The following B3GNT5 variants were observed in gnomAD, a reference collection of about 807,000 sequenced individuals.
B3GNT5 encodes lactosylceramide 1,3-N-acetyl-beta-D-glucosaminyltransferase.
B3GNT5 carries 11 observed loss-of-function variants against 25.9 expected under a neutral mutation model. The ratio of observed to expected loss-of-function variants is 0.42; its 90% confidence interval spans 0.27 to 0.70. The LOEUF is 0.70. Ranked by LOEUF, B3GNT5 falls within the 30% of genes least tolerant of loss-of-function variation. The probability of loss-of-function intolerance (pLI) is 0.23; values close to 1 mark genes in which losing one functional copy is unlikely to be tolerated. For missense variants in B3GNT5, 385 were observed against 458.4 expected, an observed-to-expected ratio of 0.84 and a Z score of 1.46; for synonymous variants, 166 against 158.6, an observed-to-expected ratio of 1.05 and a Z score of -0.35.
rs910615764 is a variant in B3GNT5, at chr3:183,268,789, C to T, written c.-301-709C>T. Among the ~76,000 whole-genome samples, 67 of 152,260 alleles carry T rather than the reference C, an allele frequency of 4.4e-4. 1 individual carries two copies. The highest frequency in any genetic ancestry group is 1.5e-3 in the African/African-American group (64 of 41,516). ...TACAAGAAACCGTAAGTGGCTAAGG[C>T]GGCATTGGTGTTCAAATTGCCTGAC... On this transcript the variant is annotated intron_variant, in intron 1 of 1. Coordinates refer to ENST00000326505, the MANE Select transcript of B3GNT5 (RefSeq NM_032047.5).
In B3GNT5 at chr3:183,259,550, C is replaced by T. The variant is rs140344033; in HGVS notation, c.-302+6078C>T. 1.6e-4 allele frequency among the ~76,000 whole-genome samples: 24 copies of T among 152,246 alleles called. 1 individual carries two copies. In the South Asian group the frequency reaches 3.7e-3, roughly 24 times the overall value. On this transcript the variant is annotated intron_variant, in intron 1 of 1. Transcript: ENST00000326505. ...TTTTCCCTGCCTTTACACATGAAAA[C>T]GGTTTTGATACAGCTTTTTCATTAG...
intron 1 of B3GNT5, among the ~76,000 whole-genome samples, chr3:183,255,895 T>TG (rs1162108946): frequency 1.4e-4 from 22 of 152,280 alleles, no homozygotes; most frequent in Middle Eastern, 3.4e-3. Flanking sequence ...AAATGGGTCA[T>TG]CTTTTAAAAT....
At chr3:183,264,157 T>C (rs530440617) in intron 1 of B3GNT5, among the ~76,000 whole-genome samples, 1 of 152,318 alleles carries the variant, frequency 6.6e-6, no homozygotes, top group East Asian at 1.9e-4. Flanking sequence ...CTAAGACTCC[T>C]CTACCTGATT....
intron 1 of B3GNT5, among the ~76,000 whole-genome samples, chr3:183,257,451 A>G (rs1453038463): frequency 2.0e-5 from 3 of 152,216 alleles, no homozygotes. Flanking sequence ...GTATGTGATA[A>G]GTTAATGTTT....
Position 183,262,489 on chromosome 3 carries a change from T to C in B3GNT5, c.-301-7009T>C, listed in dbSNP as rs547715483. Among the ~76,000 whole-genome samples, 172 of 152,284 alleles carry C rather than the reference T, an allele frequency of 1.1e-3. 1 individual carries two copies. The Middle Eastern group carries it at 0.02, about 18-fold the overall frequency. On this transcript the variant is annotated intron_variant, in intron 1 of 1. Coordinates refer to ENST00000326505, the MANE Select transcript of B3GNT5 (RefSeq NM_032047.5). ...TTAAAAATATTGCATCAAAATATTA[T>C]ACTGACTACGGAGTTTTTGGTACCC...
chr3:183,268,940 C>G (rs148601906), intron 1 of B3GNT5, among the ~76,000 whole-genome samples: 1 of 151,944 alleles, frequency 6.6e-6, no homozygotes, highest in Non-Finnish European at 1.5e-5. Flanking sequence ...ATCTGGGGCT[C>G]ACAAAGTAAT....
chr3:183,268,334 G>C (rs1275668880), intron 1 of B3GNT5, among the ~76,000 whole-genome samples: 1 of 152,202 alleles, frequency 6.6e-6, no homozygotes, highest in Admixed American at 6.5e-5. Context: ...AGCTCAGTTT[G>C]TCTCGTGGTT....
chr3:183,262,720 G>A (rs142474175), intron 1 of B3GNT5, among the ~76,000 whole-genome samples: 1 of 151,438 alleles, frequency 6.6e-6, no homozygotes, highest in East Asian at 1.9e-4. Flanking sequence ...CTTCAGGGTG[G>A]GGGGGACAGA....
At chr3:183,257,999 G>A (rs1276105135) in intron 1 of B3GNT5, among the ~76,000 whole-genome samples, 6 of 106,294 alleles carry the variant, frequency 5.6e-5, no homozygotes, top group Admixed American at 1.5e-4. Context: ...ACGGAGTCTC[G>A]CTCTGTTGCC....
At position 183,272,220 on chromosome 3, in the gene B3GNT5, A is replaced by G. The variant is rs1726838633; in HGVS notation, c.*1285A>G. On this transcript the variant is annotated 3_prime_UTR_variant, in exon 2 of 2. Coordinates refer to ENST00000326505, the MANE Select transcript of B3GNT5 (RefSeq NM_032047.5). ...AGAGTAAGTTACATTTATTTTACAA[A>G]GCAGGATAAAAATGTGGCTATAATA... 1 of 999,840 alleles carries G rather than the reference A, an allele frequency of 1.0e-6. No individual in the cohort carries two copies. The highest frequency in any genetic ancestry group is 1.2e-6 in the Non-Finnish European group (1 of 829,932). 61.9% of individuals were successfully genotyped at this position (999,840 alleles called of 1,614,324 possible). A position where few individuals can be genotyped will look rare whatever the true frequency, so the allele number is the denominator to read the frequency against.
At chr3:183,257,101 A>G (rs930330098) in intron 1 of B3GNT5, among the ~76,000 whole-genome samples, 3 of 152,234 alleles carry the variant, frequency 2.0e-5, no homozygotes, top group African/African-American at 4.8e-5. Flanking sequence ...CCATCCTGGT[A>G]AAGCTACACA....
rs1282357451 is a variant in B3GNT5 at position 183,266,445 on chromosome 3, T to TA, written c.-301-3053_-301-3052insA. Among the ~76,000 whole-genome samples the TA allele has an allele frequency of 4.6e-5, 7 of 152,206 alleles. No individual in the cohort carries two copies. The East Asian group carries it at 1.3e-3, about 29-fold the overall frequency. On this transcript the variant is annotated intron_variant, in intron 1 of 1. Transcript: ENST00000326505. ...AATTTTCCTAGAATTCTCAAAAATGTGTATGCTGGCTTAAAATCTGCCATC... is the reference window on the plus strand; with the variant it reads ...AATTTTCCTAGAATTCTCAAAAATGTAGTATGCTGGCTTAAAATCTGCCATC...
chr3:183,272,269 A>G lies in B3GNT5; in HGVS notation c.*1334A>G. On this transcript the variant is annotated 3_prime_UTR_variant, in exon 2 of 2. Coordinates refer to ENST00000326505, the MANE Select transcript of B3GNT5 (RefSeq NM_032047.5). ...TACACACTACCTCCCTTCACTACAG[A>G]AAGAACTAGGTGGTGTCTACTGCTA... The G allele has an allele frequency of 1.0e-6, 1 of 1,000,294 alleles. No individual in the cohort carries two copies. Among genetic ancestry groups the G allele is most frequent in the Non-Finnish European group, 1.2e-6 (1 of 829,996 alleles). 62.0% of individuals were successfully genotyped at this position (1,000,294 alleles called of 1,614,324 possible).
intron 1 of B3GNT5, among the ~76,000 whole-genome samples, chr3:183,256,910 G>A (rs1258979017): frequency 6.6e-6 from 1 of 152,202 alleles, no homozygotes; most frequent in East Asian, 1.9e-4. Context: ...CAGTCAATTA[G>A]GGATGATACT....
chr3:183,260,530 A>G (rs1385554640), intron 1 of B3GNT5, among the ~76,000 whole-genome samples: 3 of 152,144 alleles, frequency 2.0e-5, no homozygotes, highest in African/African-American at 7.2e-5. Context: ...GCATAATCAA[A>G]CTGGTTACTG....
chr3:183,270,277 A>G lies in B3GNT5; in HGVS notation c.479A>G (p.Asp160Gly), dbSNP rs1726631954. 3 of 1,614,052 alleles carry G rather than the reference A, an allele frequency of 1.9e-6. No homozygotes were observed. Among genetic ancestry groups the G allele is most frequent in the East Asian group, 2.2e-5 (1 of 44,904 alleles). ...DQRYNDIIQQ[D>G]FVDSFYNLTL... ...AGGTACAATGATATAATTCAGCAAG[A>G]CTTTGTTGATTCTTTCTACAATCTT... The change falls in exon 2 of 2, where the codon GAC (aspartate) becomes GGC (glycine). Residue 160 changes from aspartate to glycine, a missense_variant. Transcript: ENST00000326505. The surrounding 1 kb of genome is among the most constrained non-coding windows in gnomAD (Gnocchi z 4.5).
Position 183,267,106 on chromosome 3 carries a change from A to G in B3GNT5, c.-301-2392A>G, listed in dbSNP as rs1281492129. Among the ~76,000 whole-genome samples, 4 of 152,184 alleles carry G rather than the reference A, an allele frequency of 2.6e-5. No individual in the cohort carries two copies. The highest frequency in any genetic ancestry group is 9.6e-5 in the African/African-American group (4 of 41,454). ...CGGCCTTCAGCCTTTGTGATATTAA[A>G]GCACAGCAACACATTTCCCATTACA... On this transcript the variant is annotated intron_variant, in intron 1 of 1. Coordinates refer to ENST00000326505, the MANE Select transcript of B3GNT5 (RefSeq NM_032047.5). The surrounding 1 kb of genome is among the most constrained non-coding windows in gnomAD (Gnocchi z 5.5).
Position 183,271,064 on chromosome 3 carries a change from A to G in B3GNT5, c.*129A>G. 1.2e-6 allele frequency: 1 copy of G among 837,526 alleles called. No homozygotes were observed. The highest frequency in any genetic ancestry group is 1.8e-6 in the Non-Finnish European group (1 of 567,402). 51.9% of individuals were successfully genotyped at this position (837,526 alleles called of 1,614,324 possible). On this transcript the variant is annotated 3_prime_UTR_variant, in exon 2 of 2. Transcript: ENST00000326505. ...AAATATTTTGAAAGCCTAGTCCATC[A>G]GAATGTTTCTTTGATTCTAGAAGCT...
intron 1 of B3GNT5, among the ~76,000 whole-genome samples, chr3:183,262,348 C>G (rs1228589735): frequency 6.6e-5 from 10 of 151,978 alleles, no homozygotes; most frequent in Admixed American, 6.6e-4. Context: ...GTCAGCAGGA[C>G]AGGGATTAGG....
Sources: gnomAD v4.1 joint callset for allele counts (sites outside exome capture counted in the v4.1 genomes callset) on GRCh38, gnomAD v4.1.1 for gene constraint, Gnocchi (gnomAD v3.1) non-coding constraint, MANE v1.5 for transcripts, NCBI Gene and HGNC (gene_info 2026-07-23, HGNC 2026-07-21) for gene names.